WIPI2: variants seen among roughly 807,000 people sequenced by gnomAD.
WIPI2 encodes WD repeat domain phosphoinositide-interacting protein 2.
Under a neutral mutation model 52.3 loss-of-function variants are expected in WIPI2, and 28 were observed. The observed-to-expected ratio is 0.54, with a 90% CI of 0.40 to 0.73. The LOEUF (loss-of-function observed/expected upper bound fraction) is 0.73. Among genes scored for constraint, WIPI2 ranks in the 30% least tolerant of loss-of-function variants. The probability of loss-of-function intolerance (pLI) is 0.00; values close to 1 mark genes in which losing one functional copy is unlikely to be tolerated. For missense variants in WIPI2, 506 were observed against 602.9 expected (o/e 0.84, Z 1.68); for synonymous variants, 268 against 245.0 (o/e 1.09, Z -0.88).
chr7:5,222,552 T>C lies in WIPI2; in HGVS notation c.670-50T>C, dbSNP rs1341217863. ...GCAGTCTGCTGTGAAAGATGGGAAA[T>C]TCCTGTTTTAACTCAGCTCAAATTC... is the stretch of plus-strand genomic sequence containing the variant. On this transcript the variant is annotated intron_variant, in intron 7 of 12. Coordinates refer to ENST00000288828, the MANE Select transcript of WIPI2 (RefSeq NM_015610.4). 4 of 1,572,870 alleles carry C rather than the reference T, an allele frequency of 2.5e-6. No homozygotes were observed. The South Asian group carries it at 4.4e-5, about 17-fold the overall frequency.
At chr7:5,228,353 T>C in intron 11 of WIPI2, 142 bp downstream of exon 11, 1 of 767,872 alleles carries the variant, frequency 1.3e-6, no homozygotes, top group Non-Finnish European at 2.0e-6. Context: ...GCCGCGCAGG[T>C]CGGGAGCTTC....
At chr7:5,200,870 G>T (rs1781992494) in intron 3 of WIPI2, among the ~76,000 whole-genome samples, 1 of 152,192 alleles carries the variant, frequency 6.6e-6, no homozygotes, top group African/African-American at 2.4e-5. Flanking sequence ...CCCTTTGCAG[G>T]GAGAGAGTGG....
chr7:5,205,207 C>G (rs1782236480), intron 3 of WIPI2, among the ~76,000 whole-genome samples: 1 of 152,180 alleles, frequency 6.6e-6, no homozygotes, highest in Non-Finnish European at 1.5e-5. Context: ...AACTCCTGAC[C>G]TCAGGTTATC....
intron 4 of WIPI2, among the ~76,000 whole-genome samples, chr7:5,215,940 C>T (rs1312211510): frequency 6.6e-6 from 1 of 152,192 alleles, no homozygotes; most frequent in Non-Finnish European, 1.5e-5. Context: ...TTTACCTGTG[C>T]TGCACTCAGC....
chr7:5,215,914 A>G (rs970424202), intron 4 of WIPI2, among the ~76,000 whole-genome samples: 1 of 151,840 alleles, frequency 6.6e-6, no homozygotes. Context: ...ACCTTTTAAA[A>G]CCCCCTTATT....
chr7:5,223,725 C>T (rs769641665), intron 8 of WIPI2, among the ~76,000 whole-genome samples: 1 of 152,196 alleles, frequency 6.6e-6, no homozygotes, highest in Non-Finnish European at 1.5e-5. Flanking sequence ...GCACTGGGCA[C>T]CTCAAGCCAC....
chr7:5,205,844 T>C (rs1207105365), intron 3 of WIPI2, among the ~76,000 whole-genome samples: 1 of 134,554 alleles, frequency 7.4e-6, no homozygotes, highest in Non-Finnish European at 1.6e-5. Context: ...AACTGAGTTC[T>C]TTTTTTTTTT....
intron 8 of WIPI2, among the ~76,000 whole-genome samples, chr7:5,225,137 C>CTT (rs569592524): frequency 2.8e-5 from 4 of 144,918 alleles, no homozygotes; most frequent in East Asian, 2.0e-4. Context: ...TTTGCTCTGT[C>CTT]TTTTTTTTTT....
intron 3 of WIPI2, among the ~76,000 whole-genome samples, chr7:5,205,855 T>A (rs553734527): frequency 1.3e-5 from 2 of 148,384 alleles, no homozygotes; most frequent in South Asian, 4.4e-4. Flanking sequence ...TTTTTTTTTT[T>A]CCCCCATGCA....
At chr7:5,229,768 A>G in intron 12 of WIPI2, 30 bp downstream of exon 12, 2 of 1,612,142 alleles carry the variant, frequency 1.2e-6, no homozygotes, top group Non-Finnish European at 1.7e-6. Flanking sequence ...CCTGGAAGGT[A>G]ATTAGCCCCA....
rs183251976 is a variant in WIPI2, at chr7:5,226,372, C to T, written c.848+442C>T. 2.1e-3 allele frequency: 395 copies of T among 189,254 alleles called. 1 individual carries two copies. Among genetic ancestry groups the T allele is most frequent in the Non-Finnish European group, 3.1e-3 (283 of 90,148 alleles). The allele number at this position is 189,254 out of a possible 1,614,324, so 11.7% of individuals were successfully genotyped here. The stretch of plus-strand genomic sequence containing the variant: ...ATGTGTAGCATGAGGGGGGTCTTAT[C>T]TTTTAAGAGGGGCTTACTCTGTTGC... On this transcript the variant is annotated intron_variant, in intron 9 of 12. Coordinates refer to ENST00000288828, the MANE Select transcript of WIPI2 (RefSeq NM_015610.4).
intron 2 of WIPI2, among the ~76,000 whole-genome samples, chr7:5,197,922 C>A (rs147873754): frequency 4.6e-5 from 7 of 152,152 alleles, no homozygotes; most frequent in African/African-American, 1.7e-4. Flanking sequence ...GGACTTGCTT[C>A]TTGTTTTGCT....
intron 8 of WIPI2, among the ~76,000 whole-genome samples, chr7:5,225,408 T>A (rs140168990): frequency 1.7e-4 from 26 of 152,310 alleles, no homozygotes; most frequent in Admixed American, 2.6e-4. Flanking sequence ...CCCAAAGTGC[T>A]GGGATTACAA....
intron 12 of WIPI2, among the ~76,000 whole-genome samples, chr7:5,229,970 A>G (rs1047465907): frequency 5.2e-5 from 7 of 133,370 alleles, no homozygotes; most frequent in African/African-American, 8.5e-5. Context: ...GGGTTTCCCT[A>G]TGTTGCCCAG....
In WIPI2 at chr7:5,230,352, C is replaced by T. The variant is rs13229920; in HGVS notation, c.1253-483C>T. Among the ~76,000 whole-genome samples the T allele has an allele frequency of 0.13, 20,489 of 152,254 alleles. 1,532 individuals are homozygous for T. Among genetic ancestry groups the T allele is most frequent in the East Asian group, 0.3 (1,561 of 5,174 alleles). On this transcript the variant is annotated intron_variant, in intron 12 of 12. Coordinates refer to ENST00000288828, the MANE Select transcript of WIPI2 (RefSeq NM_015610.4). This position sits in a 1 kb window ranked among gnomAD's most constrained non-coding sequence, Gnocchi z 4.8. ...ACTAAGACCCATGCATGAGATCCTC[C>T]AGCCACAGCCTTGGCTATGTGAGCC...
chr7:5,204,147 G>C (rs146817636), intron 3 of WIPI2, among the ~76,000 whole-genome samples: 1 of 152,128 alleles, frequency 6.6e-6, no homozygotes, highest in Non-Finnish European at 1.5e-5. Flanking sequence ...CTGGGTATGC[G>C]GGTTCCATGT....
intron 11 of WIPI2, 26 bp from the exon 12 acceptor site, chr7:5,229,582 G>C: frequency 6.2e-7 from 1 of 1,607,826 alleles, no homozygotes. Flanking sequence ...TGGAGACGCT[G>C]AGCTGTGTCG....
intron 11 of WIPI2, chr7:5,229,307 A>G (rs1309426767): frequency 1.2e-5 from 3 of 249,698 alleles, no homozygotes; most frequent in African/African-American, 4.6e-5. Context: ...GAGCCACTGC[A>G]CCCGGGCTAG....
In WIPI2 at chr7:5,229,874, G is replaced by T; in HGVS notation, c.1252+136G>T. On this transcript the variant is annotated intron_variant, in intron 12 of 12. Coordinates refer to ENST00000288828, the MANE Select transcript of WIPI2 (RefSeq NM_015610.4). The stretch of plus-strand genomic sequence containing the variant: ...GACTGGTTCTGAGAACATAAGCGAG[G>T]TTGGTAAATGGGTGTTCCCAAGGCC... The T allele has an allele frequency of 2.4e-6, 3 of 1,262,724 alleles. No homozygotes were observed. In the East Asian group the frequency reaches 7.9e-5, roughly 33 times the overall value. The allele number at this position is 1,262,724 out of a possible 1,614,324, so 78.2% of individuals were successfully genotyped here. A position where few individuals can be genotyped will look rare whatever the true frequency, so the allele number is the denominator to read the frequency against.
Sources: gnomAD v4.1 joint callset for allele counts (sites outside exome capture counted in the v4.1 genomes callset) on GRCh38, gnomAD v4.1.1 for gene constraint, Gnocchi (gnomAD v3.1) non-coding constraint, MANE v1.5 for transcripts, NCBI Gene and HGNC (gene_info 2026-07-23, HGNC 2026-07-21) for gene names.